NIT2: variants seen among roughly 807,000 people sequenced by gnomAD.
NIT2 encodes the protein nitrilase family member 2.
Under a neutral mutation model 42.7 loss-of-function variants are expected in NIT2, and 46 were observed. The ratio of observed to expected loss-of-function variants is 1.08; its 90% CI spans 0.85 to 1.38. The LOEUF is 1.38. Ranked by LOEUF, NIT2 falls within the 40% of genes most tolerant of loss-of-function variation. The pLI, the probability that NIT2 is intolerant of heterozygous loss-of-function variation, is 0.00. For missense variants in NIT2, 309 were observed against 342.5 expected (o/e 0.90, Z 0.77); for synonymous variants, 123 against 121.9 (o/e 1.01, Z -0.06).
At chr3:100,346,159 T>C in intron 5 of NIT2, 22 bp from the exon 6 acceptor site, 2 of 1,609,458 alleles carry the variant, frequency 1.2e-6, no homozygotes, top group South Asian at 1.1e-5. Flanking sequence ...TTTTCATTTG[T>C]GCATTTTCTG....
intron 4 of NIT2, among the ~76,000 whole-genome samples, chr3:100,344,684 C>T (rs1282856230): frequency 5.3e-5 from 8 of 152,060 alleles, no homozygotes; most frequent in African/African-American, 1.7e-4. Flanking sequence ...CTTGCTCTGT[C>T]GCTTAGGCTG....
Position 100,352,506 on chromosome 3 carries a change from A to G in NIT2, c.683+4A>G, listed in dbSNP as rs781536785. 7.5e-6 allele frequency: 12 copies of G among 1,608,490 alleles called. No homozygotes were observed. The highest frequency in any genetic ancestry group is 1.0e-5 in the Non-Finnish European group (12 of 1,175,492). On this transcript the variant is annotated splice_donor_region_variant and intron_variant, in intron 8 of 9. Transcript: ENST00000394140. ...ACAGCACCGTGGTGAACCCTTGGTG[A>G]GTAAGGCTAAGTGAGAATAGGCTCA... is the stretch of plus-strand genomic sequence containing the variant.
rs1376751455 is a variant in NIT2 at position 100,356,295 on chromosome 3, A to G, written c.*1027A>G. ...AAAAGCCCTGATTTTGCTGCTTTTC[A>G]TGGTGTAAATACTTAACCATGGCTG... On this transcript the variant is annotated 3_prime_UTR_variant, in exon 10 of 10. Transcript: ENST00000394140. 3 of 152,218 alleles carry G rather than the reference A, an allele frequency of 2.0e-5. No individual in the cohort carries two copies. Among genetic ancestry groups the G allele is most frequent in the Non-Finnish European group, 4.4e-5 (3 of 68,034 alleles). 9.4% of individuals were successfully genotyped at this position (152,218 alleles called of 1,614,324 possible). A position where few individuals can be genotyped will look rare whatever the true frequency, so the allele number is the denominator to read the frequency against.
In NIT2 at chr3:100,348,847, G is replaced by A; in HGVS notation, c.550G>A (p.Gly184Arg). 1 of 1,614,064 alleles carries A rather than the reference G, an allele frequency of 6.2e-7. No homozygotes were observed. Among genetic ancestry groups the A allele is most frequent in the Non-Finnish European group, 8.5e-7 (1 of 1,179,942 alleles). Residue 184 changes from glycine (G) to arginine (R), a missense_variant, in exon 7 of 10, where the codon GGA (glycine) becomes AGA (arginine). By Grantham distance (125) the Gly-to-Arg change is moderately radical (BLOSUM62 -2). Coordinates refer to ENST00000394140, the MANE Select transcript of NIT2 (RefSeq NM_020202.5). Reference protein sequence around the residue: ...VYPGAFNLTTGPAHWELLQRS... With the variant: ...VYPGAFNLTTRPAHWELLQRS... ...TCCAGGAGCTTTTAATCTGACCACTGGACCAGCCCATTGGGAGTTACTTCA... is the reference window on the plus strand; with the variant it reads ...TCCAGGAGCTTTTAATCTGACCACTAGACCAGCCCATTGGGAGTTACTTCA...
At chr3:100,349,001 G>A (rs985916579) in intron 7 of NIT2, 120 bp downstream of exon 7, 22 of 744,646 alleles carry the variant, frequency 3.0e-5, no homozygotes, top group Admixed American at 1.6e-4. Flanking sequence ...GGATGCCCTT[G>A]TATCCAAATG....
Position 100,337,234 on chromosome 3 carries a change from G to A in NIT2, c.8-1853G>A, listed in dbSNP as rs539832907. On this transcript the variant is annotated intron_variant, in intron 1 of 9. Coordinates refer to ENST00000394140, the MANE Select transcript of NIT2 (RefSeq NM_020202.5). The stretch of plus-strand genomic sequence containing the variant: ...TACAGAACAAAATGGAGTCTCCTAT[G>A]TCTACTTCTTTCTACACAGACACAG... Among the ~76,000 whole-genome samples the A allele has an allele frequency of 5.4e-3, 827 of 152,074 alleles. 7 individuals are homozygous for A. Among genetic ancestry groups the A allele is most frequent in the African/African-American group, 0.018 (767 of 41,468 alleles).
In NIT2 at chr3:100,356,233, A is replaced by G. The variant is rs1163571586; in HGVS notation, c.*965A>G. 1.3e-5 allele frequency: 2 copies of G among 152,174 alleles called. No individual in the cohort carries two copies. Among genetic ancestry groups the G allele is most frequent in the Non-Finnish European group, 2.9e-5 (2 of 68,036 alleles). The allele number at this position is 152,174 out of a possible 1,614,324, so 9.4% of individuals were successfully genotyped here. ...AAGACTTCAATGGGTTTTTGCTTACATGGGCCAGTAATTGTTGAACAACCA... is the reference window on the plus strand; with the variant it reads ...AAGACTTCAATGGGTTTTTGCTTACGTGGGCCAGTAATTGTTGAACAACCA... On this transcript the variant is annotated 3_prime_UTR_variant, in exon 10 of 10. Transcript: ENST00000394140.
rs985966307 is a variant in NIT2 at position 100,357,498 on chromosome 3, C to G, written c.*2230C>G. ...TATTCCCCAAAAAACTTCATTTCCT[C>G]TAAAGAGCTGCTCAGAAGTTTGAAA... On this transcript the variant is annotated 3_prime_UTR_variant, in exon 10 of 10. Coordinates refer to ENST00000394140, the MANE Select transcript of NIT2 (RefSeq NM_020202.5). 6.6e-6 allele frequency: 1 copy of G among 152,100 alleles called. No individual in the cohort carries two copies. Among genetic ancestry groups the G allele is most frequent in the Non-Finnish European group, 1.5e-5 (1 of 68,022 alleles). 9.4% of individuals were successfully genotyped at this position (152,100 alleles called of 1,614,324 possible). A position where few individuals can be genotyped will look rare whatever the true frequency, so the allele number is the denominator to read the frequency against.
At position 100,347,897 on chromosome 3, in the gene NIT2, C is replaced by CT. The variant is rs35843153; in HGVS notation, c.506-895dup. 9.6e-3 allele frequency among the ~76,000 whole-genome samples: 1,406 copies of CT among 145,918 alleles called. 24 individuals are homozygous for CT. The highest frequency in any genetic ancestry group is 0.033 in the African/African-American group (1,308 of 40,076). On this transcript the variant is annotated intron_variant, in intron 6 of 9. Transcript: ENST00000394140. Reference sequence around the variant, plus strand: ...TGGGCCATCTACCTTTATGGGTTTCCTTTTTTTTTTTGAGACAGAGTCTCA... The same window carrying CT: ...TGGGCCATCTACCTTTATGGGTTTCCTTTTTTTTTTTTGAGACAGAGTCTCA...
In NIT2 at chr3:100,345,758, G is replaced by T. The variant is rs73862460; in HGVS notation, c.430+80G>T. 24 of 874,386 alleles carry T rather than the reference G, an allele frequency of 2.7e-5. No homozygotes were observed. The South Asian group carries it at 3.1e-4, about 11-fold the overall frequency. 54.2% of individuals were successfully genotyped at this position (874,386 alleles called of 1,614,324 possible). On this transcript the variant is annotated intron_variant, in intron 5 of 9. Transcript: ENST00000394140. ...ATTTATTTCTTTTTTGTCTCTCTCCGATTTCTTCACATAACCTAACTGAAA... is the reference window on the plus strand; with the variant it reads ...ATTTATTTCTTTTTTGTCTCTCTCCTATTTCTTCACATAACCTAACTGAAA...
chr3:100,341,570 G>A (rs1038238530), intron 4 of NIT2, among the ~76,000 whole-genome samples: 3 of 151,700 alleles, frequency 2.0e-5, no homozygotes, highest in East Asian at 2.0e-4. Context: ...TGGTTTCACC[G>A]TGTTAGCCAG....
intron 6 of NIT2, among the ~76,000 whole-genome samples, chr3:100,346,794 A>G (rs1020670934): frequency 6.6e-6 from 1 of 152,070 alleles, no homozygotes; most frequent in Non-Finnish European, 1.5e-5. Context: ...AGAAGAGAGA[A>G]CCTATAAAGC....
chr3:100,345,650 G>A lies in NIT2; in HGVS notation c.402G>A (p.Pro134=), dbSNP rs780029225. Residue 134 remains proline, a synonymous_variant, in exon 5 of 10, where the codon CCG becomes CCA. Transcript: ENST00000394140. ...TTCAAGAATCTAAAACATTGAGTCC[G>A]GGTGATAGTTTCTCCACATTTGATA... ...ITFQESKTLS[P]GDSFSTFDTP... is the part of the protein sequence containing the mutation. 16 of 1,612,438 alleles carry A rather than the reference G, an allele frequency of 9.9e-6. No individual in the cohort carries two copies. Among genetic ancestry groups the A allele is most frequent in the South Asian group, 6.6e-5 (6 of 90,926 alleles).
chr3:100,358,903 A>G lies in NIT2; in HGVS notation c.*3635A>G, dbSNP rs988306235. On this transcript the variant is annotated 3_prime_UTR_variant, in exon 10 of 10. Coordinates refer to ENST00000394140, the MANE Select transcript of NIT2 (RefSeq NM_020202.5). ...GTAAGTTTTGGTGGTGCGTGGGTAC[A>G]ATGAAGCCAGGAGGGATAGAAAGGG... 9 of 152,240 alleles carry G rather than the reference A, an allele frequency of 5.9e-5. No homozygotes were observed. Among genetic ancestry groups the G allele is most frequent in the African/African-American group, 2.2e-4 (9 of 41,418 alleles). 9.4% of individuals were successfully genotyped at this position (152,240 alleles called of 1,614,324 possible). A position where few individuals can be genotyped will look rare whatever the true frequency, so the allele number is the denominator to read the frequency against.
At chr3:100,354,717 T>C in intron 8 of NIT2, 55 bp from the exon 9 acceptor site, 1 of 1,443,222 alleles carries the variant, frequency 6.9e-7, no homozygotes, top group Non-Finnish European at 9.6e-7. Flanking sequence ...AACAGAGACC[T>C]TGAATATCAC....
At chr3:100,348,107 G>T (rs1706236425) in intron 6 of NIT2, among the ~76,000 whole-genome samples, 1 of 152,156 alleles carries the variant, frequency 6.6e-6, no homozygotes. Context: ...GGCCAGGCTG[G>T]TCTCGAACTC....
chr3:100,345,678 C>G lies in NIT2; in HGVS notation c.430C>G (p.Pro144Ala), dbSNP rs771613637. The G allele has an allele frequency of 3.1e-6, 5 of 1,592,114 alleles. 1 individual carries two copies. The South Asian group carries it at 5.5e-5, about 18-fold the overall frequency. The change falls in exon 5 of 10, where the codon CCT becomes GCT. Residue 144 changes from proline (P) to alanine (A), a missense_variant and splice_region_variant. Transcript: ENST00000394140. The part of the protein sequence containing the change: ...PGDSFSTFDT[P>A]YCRVGLGICY... ...TGATAGTTTCTCCACATTTGATACT[C>G]GTATGTACCAGATAAGTTTGCCTCT... is the stretch of plus-strand genomic sequence containing the variant.
Position 100,355,644 on chromosome 3 carries a change from C to T in NIT2, c.*376C>T, listed in dbSNP as rs957626113. 1.2e-5 allele frequency: 2 copies of T among 172,772 alleles called. No homozygotes were observed. Among genetic ancestry groups the T allele is most frequent in the African/African-American group, 2.4e-5 (1 of 41,956 alleles). 10.7% of individuals were successfully genotyped at this position (172,772 alleles called of 1,614,324 possible). A position where few individuals can be genotyped will look rare whatever the true frequency, so the allele number is the denominator to read the frequency against. ...GTTGTAATCTCCATCATCTAGAAAA[C>T]GTGGTCTGGTGCTATTCTTTTCCAA... is the stretch of plus-strand genomic sequence containing the variant. On this transcript the variant is annotated 3_prime_UTR_variant, in exon 10 of 10. Transcript: ENST00000394140.
intron 1 of NIT2, among the ~76,000 whole-genome samples, chr3:100,336,121 C>T (rs1037672673): frequency 6.6e-6 from 1 of 152,204 alleles, no homozygotes; most frequent in Non-Finnish European, 1.5e-5. Context: ...TAGGATAGAT[C>T]AAGGAATGGG....
Sources: allele counts gnomAD v4.1 joint callset (sites outside exome capture counted in the v4.1 genomes callset), GRCh38; gene constraint gnomAD v4.1.1; transcripts MANE v1.5; gene names NCBI Gene and HGNC (gene_info 2026-07-23, HGNC 2026-07-21).